NEB: variants seen among roughly 807,000 people sequenced by gnomAD.
NEB encodes the protein nemaline myopathy type 2.
In NEB, 512 loss-of-function variants were observed where a neutral mutation model predicts 952.2. That is an observed-to-expected ratio of 0.54 (90% CI 0.50 to 0.58). NEB has a LOEUF of 0.58. Ranked by LOEUF, NEB falls within the 20% of genes least tolerant of loss-of-function variation. The pLI is 0.00. For synonymous variants in NEB, 2,900 were observed against 3,149.8 expected, an observed-to-expected ratio of 0.92 and a Z score of 2.66; for missense variants, 8,428 against 9,231.1, an observed-to-expected ratio of 0.91 and a Z score of 3.56.
Position 151,540,635 on chromosome 2 carries a change from G to A in NEB, c.20787+62C>T, listed in dbSNP as rs546003460. On this transcript the variant is annotated intron_variant, in intron 137 of 181. Coordinates refer to ENST00000397345, the MANE Select transcript of NEB (RefSeq NM_001164508.2). ...AGCTCTCTGATCAGAGGTAGCAGGG[G>A]AAGGTTTTAACAAAGTATTTTTCTT... 9 of 1,424,462 alleles carry A rather than the reference G, an allele frequency of 6.3e-6. No individual in the cohort carries two copies. The African/African-American group carries it at 8.4e-5, about 13-fold the overall frequency. The allele number at this position is 1,424,462 out of a possible 1,614,324, so 88.2% of individuals were successfully genotyped here. A position where few individuals can be genotyped will look rare whatever the true frequency, so the allele number is the denominator to read the frequency against.
intron 41 of NEB, 135 bp from the exon 42 acceptor site, chr2:151,665,674 G>T: frequency 1.5e-6 from 1 of 668,472 alleles, no homozygotes; most frequent in Non-Finnish European, 2.3e-6. Context: ...ACTCCCTACA[G>T]TCTTTCAGAA....
At chr2:151,490,176 G>A in intron 180 of NEB, 99 bp from the exon 181 acceptor site, 3 of 1,194,560 alleles carry the variant, frequency 2.5e-6, no homozygotes. Context: ...CCCCAACTTA[G>A]AATGATTTCC....
rs1331796136 is a variant in NEB, at chr2:151,620,343, G to GTA, written c.10560+575_10560+576insTA. 5.0e-3 allele frequency among the ~76,000 whole-genome samples: 246 copies of GTA among 48,822 alleles called. 3 individuals carry two copies. The highest frequency in any genetic ancestry group is 0.012 in the African/African-American group (207 of 16,640). 32.0% of individuals were successfully genotyped at this position (48,822 alleles called of 152,430 possible). On this transcript the variant is annotated intron_variant, in intron 72 of 181. Coordinates refer to ENST00000397345, the MANE Select transcript of NEB (RefSeq NM_001164508.2). ...AATTTTATTATATATATATGTATGT[G>GTA]TGTGTATATATATATATATATATAT... is the stretch of plus-strand genomic sequence containing the variant.
intron 107 of NEB, among the ~76,000 whole-genome samples, chr2:151,573,710 T>C (rs1483872813): frequency 2.0e-5 from 3 of 152,190 alleles, no homozygotes; most frequent in Non-Finnish European, 2.9e-5. Flanking sequence ...CCTTGGCAAA[T>C]TGCACTAAGG....
At chr2:151,695,523 A>T in intron 18 of NEB, 55 bp downstream of exon 18, 3 of 1,274,254 alleles carry the variant, frequency 2.4e-6, no homozygotes, top group Non-Finnish European at 3.4e-6. Context: ...AGCAGTTCAA[A>T]CATAAAAGCA....
In NEB at chr2:151,541,540, T is replaced by C. The variant is rs757422187; in HGVS notation, c.20589A>G (p.Arg6863=). 1 of 1,613,158 alleles carries C rather than the reference T, an allele frequency of 6.2e-7. No individual in the cohort carries two copies. Among genetic ancestry groups the C allele is most frequent in the South Asian group, 1.1e-5 (1 of 91,010 alleles). ...LKTHLSELVY[R]AAGKKQKSIF... is the part of the protein sequence containing the mutation. ...TTGACTTCTGCTTCTTGCCTGCAGCTCTGTAGACCAGCTAGACATAAACCA... is the reference window on the plus strand; with the variant it reads ...TTGACTTCTGCTTCTTGCCTGCAGCCCTGTAGACCAGCTAGACATAAACCA... The change falls in exon 136 of 182, where the codon AGA becomes AGG. Residue 6863 remains arginine, a synonymous_variant. Transcript: ENST00000397345.
chr2:151,616,138 A>C, intron 75 of NEB, 29 bp from the exon 76 acceptor site: 1 of 1,438,500 alleles, frequency 7.0e-7, no homozygotes, highest in East Asian at 2.3e-5. Flanking sequence ...TTACTCATTT[A>C]CTCCTTCCAT....
chr2:151,494,356 A>G, intron 173 of NEB, 103 bp from the exon 174 acceptor site: 1 of 781,582 alleles, frequency 1.3e-6, no homozygotes, highest in African/African-American at 1.8e-5. Context: ...TAGGGCCCCA[A>G]ACCATTTGGG....
intron 120 of NEB, 113 bp downstream of exon 120, chr2:151,562,498 A>G: frequency 8.9e-7 from 1 of 1,122,772 alleles, no homozygotes; most frequent in South Asian, 1.7e-5. Context: ...TTTGAGAAGC[A>G]GCAAGATTTA....
At chr2:151,492,828 A>C (rs1037213477) in intron 176 of NEB, 4 of 194,514 alleles carry the variant, frequency 2.1e-5, no homozygotes, top group African/African-American at 9.3e-5. Context: ...CTGACATTGT[A>C]GGGAATTTGA....
chr2:151,618,503 G>C (rs1458095832), intron 73 of NEB, 25 bp from the exon 74 acceptor site: 5 of 1,593,448 alleles, frequency 3.1e-6, no homozygotes, highest in Non-Finnish European at 4.3e-6. Flanking sequence ...ATAAGAAACA[G>C]ATTTATTAAT....
intron 81 of NEB, among the ~76,000 whole-genome samples, chr2:151,609,250 A>G (rs1167043651): frequency 3.9e-5 from 6 of 152,136 alleles, no homozygotes; most frequent in African/African-American, 9.6e-5. Flanking sequence ...ACAAATCCTT[A>G]GCTGAAAAAT....
At position 151,566,451 on chromosome 2, in the gene NEB, T is replaced by G. The variant is rs573927528; in HGVS notation, c.18157-631A>C. Among the ~76,000 whole-genome samples, 47 of 152,330 alleles carry G rather than the reference T, an allele frequency of 3.1e-4. 1 individual carries two copies. The highest frequency in any genetic ancestry group is 5.6e-4 in the Non-Finnish European group (38 of 68,030). ...AGATGTTCAAGTTCAACATCTATGCTGCAGCAGTCTTTGACTTCCAGGTTC... is the reference window on the plus strand; with the variant it reads ...AGATGTTCAAGTTCAACATCTATGCGGCAGCAGTCTTTGACTTCCAGGTTC... On this transcript the variant is annotated intron_variant, in intron 114 of 181. Transcript: ENST00000397345.
Position 151,672,475 on chromosome 2 carries a change from T to A in NEB, c.4193A>T (p.Asp1398Val). 6.2e-7 allele frequency: 1 copy of A among 1,614,040 alleles called. No individual in the cohort carries two copies. The highest frequency in any genetic ancestry group is 1.1e-5 in the South Asian group (1 of 91,082). The change falls in exon 37 of 182, where the codon GAT becomes GTT. Residue 1398 changes from aspartate (D) to valine (V), a missense_variant. Physicochemically the swap from Asp to Val is radical, Grantham distance 152 (BLOSUM62 -3). Coordinates refer to ENST00000397345, the MANE Select transcript of NEB (RefSeq NM_001164508.2). ...VSITAAKMAQ[D>V]VATNVNYKQP... ...TTTGTAGTTGACATTGGTAGCGACA[T>A]CCTGGGCCATCTTTGCAGCTGTGAT... is the stretch of plus-strand genomic sequence containing the variant.
chr2:151,676,297 C>T (rs1346274923), intron 34 of NEB, among the ~76,000 whole-genome samples: 1 of 152,148 alleles, frequency 6.6e-6, no homozygotes, highest in African/African-American at 2.4e-5. Flanking sequence ...TGAATTCGAC[C>T]TTCTACACAG....
chr2:151,634,377 C>T (rs970407343), intron 64 of NEB, among the ~76,000 whole-genome samples: 1 of 152,286 alleles, frequency 6.6e-6, no homozygotes, highest in African/African-American at 2.4e-5. Flanking sequence ...GGCACGGTGG[C>T]TCATGCCTGT....
chr2:151,569,021 A>T (rs1470920344), intron 110 of NEB, among the ~76,000 whole-genome samples: 1 of 152,178 alleles, frequency 6.6e-6, no homozygotes, highest in East Asian at 1.9e-4. Flanking sequence ...GTATATTGCT[A>T]TTGCTGACAA....
rs1202029920 is a variant in NEB, at chr2:151,492,446, A to C, written c.24814T>G (p.Tyr8272Asp). Reference sequence around the variant, plus strand: ...CTCATCTCGGGGGTATCCAATACATAGGCAGCTTTGCCTTGTATTTGTTTC... The same window carrying C: ...CTCATCTCGGGGGTATCCAATACATCGGCAGCTTTGCCTTGTATTTGTTTC... ...FRKQIQGKAA[Y>D]VLDTPEMRRV... The change falls in exon 177 of 182, where the codon TAT becomes GAT. Residue 8272 changes from tyrosine (Y) to aspartate (D), a missense_variant. By Grantham distance (160) the Tyr-to-Asp change is radical (BLOSUM62 -3). This residue lies in a region of NEB where 3,374 missense variants were observed against 3,651.5 expected (regional missense o/e 0.92). Coordinates refer to ENST00000397345, the MANE Select transcript of NEB (RefSeq NM_001164508.2). 6.2e-7 allele frequency: 1 copy of C among 1,613,282 alleles called. No individual in the cohort carries two copies. Among genetic ancestry groups the C allele is most frequent in the Non-Finnish European group, 8.5e-7 (1 of 1,179,592 alleles).
chr2:151,531,218 G>C (rs2090540774), intron 144 of NEB, 117 bp from the exon 145 acceptor site: 3 of 681,844 alleles, frequency 4.4e-6, no homozygotes, highest in Middle Eastern at 7.8e-4. Context: ...CTATGAATTT[G>C]ACAGGTGCTT....
Sources: gnomAD v4.1 joint callset for allele counts (sites outside exome capture counted in the v4.1 genomes callset) on GRCh38, gnomAD v4.1.1 for gene constraint, gnomAD v4.1.1 regional missense constraint, MANE v1.5 for transcripts, NCBI Gene and HGNC (gene_info 2026-07-23, HGNC 2026-07-21) for gene names.